The following BLTP1 variants were observed in gnomAD, a reference collection of about 807,000 sequenced individuals.
BLTP1 encodes bridge-like lipid transfer protein family member 1.
chr4:122,315,108 A>G, the BLTP1 span, among the ~76,000 whole-genome samples: 1 of 152,184 alleles, frequency 6.6e-6, no homozygotes. Flanking sequence ...CCTCAAGTCC[A>G]GGCAAAATAT....
chr4:122,278,092 AAC>A, the BLTP1 span, among the ~76,000 whole-genome samples: 112 of 152,248 alleles, frequency 7.4e-4, no homozygotes, highest in African/African-American at 2.6e-3. Flanking sequence ...TCATTGTATA[AAC>A]ACATAAAAAT....
At chr4:122,229,812 T>A in the BLTP1 span, 8 of 1,363,746 alleles carry the variant, frequency 5.9e-6, no homozygotes, top group African/African-American at 8.7e-5. Context: ...TTTCCTTTAT[T>A]TTCTCCTTCC....
At chr4:122,261,153 G>T in the BLTP1 span, 6 of 359,898 alleles carry the variant, frequency 1.7e-5, no homozygotes, top group Non-Finnish European at 1.9e-5. Flanking sequence ...GGCTCTTTTA[G>T]TTAAAACATT....
chr4:122,305,057 A>G, the BLTP1 span: 3 of 1,352,876 alleles, frequency 2.2e-6, no homozygotes. Context: ...ACTGTAACTT[A>G]TGTATTATTA....
the BLTP1 span, chr4:122,197,224 G>A: frequency 6.9e-7 from 1 of 1,458,018 alleles, no homozygotes; most frequent in Non-Finnish European, 9.3e-7. Context: ...GTAAATGTAG[G>A]AGCTGGCTCA....
the BLTP1 span, among the ~76,000 whole-genome samples, chr4:122,323,396 A>C: frequency 1.3e-5 from 2 of 152,080 alleles, no homozygotes; most frequent in African/African-American, 4.8e-5. Context: ...AAAGGAAAAA[A>C]AAAGTAATTG....
chr4:122,330,434 A>C, the BLTP1 span, among the ~76,000 whole-genome samples: 1 of 151,488 alleles, frequency 6.6e-6, no homozygotes, highest in African/African-American at 2.4e-5. Context: ...CCAGGTATGA[A>C]GTCATATTTC....
chr4:122,179,267 TAAAA>T, the BLTP1 span, among the ~76,000 whole-genome samples: 1 of 152,018 alleles, frequency 6.6e-6, no homozygotes, highest in Non-Finnish European at 1.5e-5. Flanking sequence ...ACCTTTTCTC[TAAAA>T]AATAAATAAA....
the BLTP1 span, chr4:122,238,296 AT>A: frequency 1.9e-6 from 3 of 1,614,156 alleles, no homozygotes; most frequent in Non-Finnish European, 2.5e-6. Context: ...GCTGATGACC[AT>A]TTGGTTCAAA....
chr4:122,187,294 C>G, the BLTP1 span: 1 of 1,415,366 alleles, frequency 7.1e-7, no homozygotes, highest in Admixed American at 2.9e-5. Flanking sequence ...GATCATTGTT[C>G]TGTTTACTGA....
At chr4:122,334,635 GT>G in the BLTP1 span, 2 of 1,297,890 alleles carry the variant, frequency 1.5e-6, no homozygotes, top group South Asian at 1.4e-5. Flanking sequence ...CAATGCACAT[GT>G]TTAAGAAAAA....
At chr4:122,261,974 G>C in the BLTP1 span, 1 of 985,300 alleles carries the variant, frequency 1.0e-6, no homozygotes, top group Non-Finnish European at 1.2e-6. Context: ...TATCCATTGC[G>C]TCAACATTTC....
chr4:122,241,731 A>G, the BLTP1 span, among the ~76,000 whole-genome samples: 2 of 152,248 alleles, frequency 1.3e-5, no homozygotes, highest in Middle Eastern at 6.3e-3. Context: ...TGCCCATGCT[A>G]AGATTTCAAA....
At chr4:122,360,079 T>G in the BLTP1 span, 6 of 976,020 alleles carry the variant, frequency 6.1e-6, no homozygotes, top group African/African-American at 3.5e-5. Flanking sequence ...TTACTTAGTA[T>G]GGCAAGATGC....
the BLTP1 span, chr4:122,226,891 G>A: frequency 7.4e-7 from 1 of 1,345,242 alleles, no homozygotes; most frequent in Non-Finnish European, 1.0e-6. Flanking sequence ...TTAAAAAATG[G>A]AATATTGAGA....
At chr4:122,171,997 T>A in the BLTP1 span, 1 of 877,892 alleles carries the variant, frequency 1.1e-6, no homozygotes, top group Non-Finnish European at 1.4e-6. Flanking sequence ...CACAGTGATT[T>A]ATAGTAAAAA....
At chr4:122,248,124 A>AT in the BLTP1 span, 10 of 984,818 alleles carry the variant, frequency 1.0e-5, no homozygotes, top group Admixed American at 6.2e-5. Flanking sequence ...CTCAAGGCTT[A>AT]TTTTTTTCAT....
the BLTP1 span, among the ~76,000 whole-genome samples, chr4:122,332,303 G>A: frequency 6.6e-6 from 1 of 152,034 alleles, no homozygotes; most frequent in South Asian, 2.1e-4. Flanking sequence ...CAGTTAAAAT[G>A]TCTTACAAAT....
chr4:122,244,838 G>A, the BLTP1 span: 1 of 451,336 alleles, frequency 2.2e-6, no homozygotes, highest in Non-Finnish European at 2.9e-6. Flanking sequence ...GGTGATGTGG[G>A]GATAACCTCA....
Sources: allele counts gnomAD v4.1 joint callset (sites outside exome capture counted in the v4.1 genomes callset), GRCh38; gene constraint gnomAD v4.1.1; transcripts MANE v1.5; gene names NCBI Gene and HGNC (gene_info 2026-07-23, HGNC 2026-07-21).